PDZD2: variants seen among roughly 807,000 people sequenced by gnomAD.
PDZD2 encodes PDZ domain containing 2.
Under a neutral mutation model 220.7 loss-of-function variants are expected in PDZD2, and 90 were observed. The observed-to-expected ratio is 0.41, with a 90% CI of 0.34 to 0.49. The LOEUF is 0.49. Ranked by LOEUF, PDZD2 falls within the 20% of genes least tolerant of loss-of-function variation. The pLI is 0.28. For synonymous variants in PDZD2, 1,375 were observed against 1,450.5 expected, an observed-to-expected ratio of 0.95 and a Z score of 1.18; for missense variants, 3,174 against 3,608.5, an observed-to-expected ratio of 0.88 and a Z score of 3.08.
intron 2 of PDZD2, among the ~76,000 whole-genome samples, chr5:31,950,725 A>C (rs1315715805): frequency 6.6e-6 from 1 of 152,210 alleles, no homozygotes; most frequent in Non-Finnish European, 1.5e-5. Context: ...CTCAAGACAG[A>C]GAACCATTTC....
intron 2 of PDZD2, among the ~76,000 whole-genome samples, chr5:31,863,444 C>T (rs759742700): frequency 5.3e-5 from 8 of 152,170 alleles, no homozygotes; most frequent in Non-Finnish European, 1.0e-4. Flanking sequence ...CAGGTGGTTT[C>T]TTCTCACATG....
At chr5:31,656,839 A>G (rs1219853214) in intron 1 of PDZD2, among the ~76,000 whole-genome samples, 1 of 152,200 alleles carries the variant, frequency 6.6e-6, no homozygotes, top group African/African-American at 2.4e-5. Flanking sequence ...AGACAGAGCA[A>G]AGGGGCTGCT....
chr5:31,927,370 T>G (rs1052680797), intron 2 of PDZD2, among the ~76,000 whole-genome samples: 23 of 95,810 alleles, frequency 2.4e-4, no homozygotes, highest in African/African-American at 1.0e-4. Flanking sequence ...GCTACTTTCT[T>G]TTTTGGGTGT....
intron 2 of PDZD2, among the ~76,000 whole-genome samples, chr5:31,917,011 G>C (rs187139203): frequency 6.6e-6 from 1 of 152,172 alleles, no homozygotes; most frequent in African/African-American, 2.4e-5. Context: ...GTTGATGAGG[G>C]ACAGGCACTA....
intron 1 of PDZD2, among the ~76,000 whole-genome samples, chr5:31,683,955 A>G (rs951250339): frequency 1.3e-5 from 2 of 151,494 alleles, no homozygotes; most frequent in Non-Finnish European, 2.9e-5. Flanking sequence ...GCCATTTGCC[A>G]CATAGACTCA....
intron 2 of PDZD2, among the ~76,000 whole-genome samples, chr5:31,935,929 G>C (rs1745681519): frequency 6.6e-6 from 1 of 152,226 alleles, no homozygotes; most frequent in South Asian, 2.1e-4. Flanking sequence ...CATGATGTCT[G>C]CTGGGATATG....
chr5:31,642,822 G>T (rs1165015070), intron 1 of PDZD2, among the ~76,000 whole-genome samples: 1 of 152,190 alleles, frequency 6.6e-6, no homozygotes, highest in Non-Finnish European at 1.5e-5. Flanking sequence ...CATTTGCTGA[G>T]ACCTGGGGTC....
rs367955097 is a variant in PDZD2, at chr5:31,851,610, G to A, written c.476+51886G>A. Among the ~76,000 whole-genome samples, 55 of 152,276 alleles carry A rather than the reference G, an allele frequency of 3.6e-4. No individual in the cohort carries two copies. In the South Asian group the frequency reaches 0.011, roughly 30 times the overall value. On this transcript the variant is annotated intron_variant, in intron 2 of 24. Transcript: ENST00000438447. The stretch of plus-strand genomic sequence containing the variant: ...ATCAGCAGTTCCCACTCAAATTAAT[G>A]TTATTTGTAGACTCTGGGTATGCAT...
chr5:31,667,855 C>CTTTTTTT (rs561833214), intron 1 of PDZD2, among the ~76,000 whole-genome samples: 198 of 77,942 alleles, frequency 2.5e-3, no homozygotes, highest in Non-Finnish European at 3.3e-3. Context: ...TTTTTTTTTC[C>CTTTTTTT]TTTTTTTTTT....
intron 1 of PDZD2, among the ~76,000 whole-genome samples, chr5:31,768,585 T>C (rs930598418): frequency 3.4e-5 from 5 of 148,736 alleles, no homozygotes; most frequent in African/African-American, 1.2e-4. Context: ...GAGGTTGCAG[T>C]GAGCCAATAT....
chr5:31,701,484 C>T (rs974457754), intron 1 of PDZD2, among the ~76,000 whole-genome samples: 5 of 152,156 alleles, frequency 3.3e-5, no homozygotes, highest in African/African-American at 9.7e-5. Flanking sequence ...TGAGCCACTG[C>T]GCCTGGCTGA....
intron 6 of PDZD2, among the ~76,000 whole-genome samples, chr5:32,017,589 C>A (rs1055201325): frequency 2.6e-5 from 4 of 152,186 alleles, no homozygotes; most frequent in Non-Finnish European, 2.9e-5. Context: ...ATTTAGACAT[C>A]ATTTTTTGAA....
rs1251840861 is a variant in PDZD2, at chr5:31,752,068, G to GTTTTTTTTTTTTTTTTTTTTTTTTTTTTT, written c.-360-46821_-360-46820insTTTTTTTTTTTTTTTTTTTTTTTTTTTTT. ...TTTGTTTGTTTGTTTTATTGTTTTG[G>GTTTTTTTTTTTTTTTTTTTTTTTTTTTTT]GTTTGTTTTTTTTTTTTTTTTTCTG... is the stretch of plus-strand genomic sequence containing the variant. On this transcript the variant is annotated intron_variant, in intron 1 of 24. Transcript: ENST00000438447. Among the ~76,000 whole-genome samples the GTTTTTTTTTTTTTTTTTTTTTTTTTTTTT allele has an allele frequency of 8.1e-4, 78 of 95,936 alleles. 19 individuals carry two copies. Among genetic ancestry groups the GTTTTTTTTTTTTTTTTTTTTTTTTTTTTT allele is most frequent in the Non-Finnish European group, 1.1e-3 (57 of 51,586 alleles). The allele number at this position is 95,936 out of a possible 152,430, so 62.9% of individuals were successfully genotyped here.
chr5:31,892,590 G>A (rs999428438), intron 2 of PDZD2, among the ~76,000 whole-genome samples: 1 of 151,818 alleles, frequency 6.6e-6, no homozygotes, highest in African/African-American at 2.4e-5. Context: ...GGTGGTGTAG[G>A]GGAGTCTTGC....
intron 2 of PDZD2, among the ~76,000 whole-genome samples, chr5:31,924,290 T>C (rs553054515): frequency 9.4e-4 from 143 of 152,330 alleles, no homozygotes; most frequent in African/African-American, 3.2e-3. Flanking sequence ...TGGCTTGTTC[T>C]CCCTGCTGTG....
intron 2 of PDZD2, among the ~76,000 whole-genome samples, chr5:31,970,055 C>T (rs956740650): frequency 1.3e-5 from 2 of 151,982 alleles, no homozygotes; most frequent in African/African-American, 2.4e-5. Context: ...TGCACCACCA[C>T]CCCTGGCTAA....
chr5:31,732,372 G>T (rs539104043), intron 1 of PDZD2, among the ~76,000 whole-genome samples: 1 of 152,274 alleles, frequency 6.6e-6, no homozygotes, highest in East Asian at 1.9e-4. Flanking sequence ...CTTTTTGCAG[G>T]TTTGCTAGCA....
chr5:31,906,605 A>G (rs1742681157), intron 2 of PDZD2, among the ~76,000 whole-genome samples: 1 of 152,094 alleles, frequency 6.6e-6, no homozygotes, highest in South Asian at 2.1e-4. Flanking sequence ...CACTTTGGGA[A>G]GCTGAGGCGG....
intron 9 of PDZD2, among the ~76,000 whole-genome samples, chr5:32,053,288 G>A (rs941157911): frequency 6.6e-6 from 1 of 152,208 alleles, no homozygotes; most frequent in Non-Finnish European, 1.5e-5. Flanking sequence ...GAATTTCATG[G>A]CGTTGCCATT....
Sources: allele counts gnomAD v4.1 joint callset (sites outside exome capture counted in the v4.1 genomes callset), GRCh38; gene constraint gnomAD v4.1.1; transcripts MANE v1.5; gene names NCBI Gene and HGNC (gene_info 2026-07-23, HGNC 2026-07-21).